Variants in ADK observed in about 807,000 individuals in gnomAD.
ADK encodes adenosine kinase.
ADK carries 24 observed loss-of-function variants against 44.7 expected under a neutral mutation model. That is an observed-to-expected ratio of 0.54 (90% CI 0.39 to 0.76). ADK has a LOEUF of 0.76. Ranked by LOEUF, ADK falls within the 30% of genes least tolerant of loss-of-function variation. ADK has a pLI of 0.00. For synonymous variants in ADK, 128 were observed against 142.6 expected (o/e 0.90, Z 0.73); for missense variants, 321 against 425.1 (o/e 0.76, Z 2.15).
intron 6 of ADK, among the ~76,000 whole-genome samples, chr10:74,410,567 G>C (rs1479255515): frequency 1.3e-5 from 2 of 152,048 alleles, no homozygotes; most frequent in African/African-American, 2.4e-5. Context: ...CTTAGTCCCA[G>C]CTGCTGGGGA....
At chr10:74,372,306 C>G (rs1842685060) in intron 4 of ADK, 3 of 757,716 alleles carry the variant, frequency 4.0e-6, no homozygotes, top group East Asian at 2.4e-5. Context: ...TGCGCCTATT[C>G]ATCAGTTCCC....
At chr10:74,451,227 G>A (rs1360160433) in intron 6 of ADK, among the ~76,000 whole-genome samples, 2 of 151,778 alleles carry the variant, frequency 1.3e-5, no homozygotes, top group African/African-American at 2.4e-5. Context: ...TTGCTGTGAG[G>A]AGAGGGAGAG....
intron 4 of ADK, among the ~76,000 whole-genome samples, chr10:74,356,055 A>G (rs1486811094): frequency 8.8e-6 from 1 of 113,782 alleles, no homozygotes; most frequent in Non-Finnish European, 1.6e-5. Context: ...TCTGTCGCCC[A>G]GGCCGGACTG....
chr10:74,612,904 TTTTGTTG>T lies in ADK; in HGVS notation c.877+12412_877+12418del, dbSNP rs1191559278. 2.0e-5 allele frequency among the ~76,000 whole-genome samples: 3 copies of T among 152,264 alleles called. No individual in the cohort carries two copies. The East Asian group carries it at 5.8e-4, about 29-fold the overall frequency. On this transcript the variant is annotated intron_variant, in intron 9 of 10. Coordinates refer to ENST00000539909, the MANE Select transcript of ADK (RefSeq NM_006721.4). The stretch of plus-strand genomic sequence containing the variant: ...TGAGTGTCCTTTCATCACTATTTAT[TTTTGTTG>T]ACTTTGTTTAAGATCAGTTGGTTGT...
intron 2 of ADK, 34 bp from the exon 3 acceptor site, chr10:74,224,504 T>C: frequency 3.8e-6 from 6 of 1,574,518 alleles, no homozygotes; most frequent in Non-Finnish European, 5.2e-6. Flanking sequence ...ACTGTGTGTG[T>C]ATGAAGAGTG....
chr10:74,616,275 T>G (rs1427652923), intron 9 of ADK, among the ~76,000 whole-genome samples: 7 of 152,226 alleles, frequency 4.6e-5, no homozygotes, highest in Non-Finnish European at 5.9e-5. Flanking sequence ...TTATATTCCA[T>G]TAAAGAAAAT....
chr10:74,416,208 G>A (rs1331808093), intron 6 of ADK, among the ~76,000 whole-genome samples: 1 of 151,744 alleles, frequency 6.6e-6, no homozygotes, highest in Non-Finnish European at 1.5e-5. Context: ...AGAGGACAAC[G>A]TTTTTCCTTT....
intron 8 of ADK, among the ~76,000 whole-genome samples, chr10:74,590,612 G>A (rs1589277137): frequency 6.6e-6 from 1 of 152,198 alleles, no homozygotes; most frequent in East Asian, 1.9e-4. Flanking sequence ...TAGGAGCTGT[G>A]ATAGTTTCTT....
intron 4 of ADK, among the ~76,000 whole-genome samples, chr10:74,392,007 A>G (rs1314771188): frequency 6.6e-6 from 1 of 152,036 alleles, no homozygotes; most frequent in African/African-American, 2.4e-5. Flanking sequence ...ATGTTCATCT[A>G]TGTTGTAGCA....
intron 1 of ADK, among the ~76,000 whole-genome samples, chr10:74,171,164 G>A (rs1842151207): frequency 6.6e-6 from 1 of 151,872 alleles, no homozygotes; most frequent in South Asian, 2.1e-4. Context: ...CCCTATTTCT[G>A]GTTATTTGGG....
chr10:74,539,696 G>A (rs1398352973), intron 7 of ADK, among the ~76,000 whole-genome samples: 5 of 148,292 alleles, frequency 3.4e-5, no homozygotes, highest in African/African-American at 1.2e-4. Flanking sequence ...AACCCCTTCA[G>A]AAAAAAAAAC....
chr10:74,482,515 G>A (rs1032489189), intron 6 of ADK, among the ~76,000 whole-genome samples: 2 of 152,094 alleles, frequency 1.3e-5, no homozygotes, highest in African/African-American at 4.8e-5. Flanking sequence ...CTTTCCTACA[G>A]TGCAAAATAG....
intron 6 of ADK, among the ~76,000 whole-genome samples, chr10:74,467,194 A>C (rs1368916790): frequency 6.6e-6 from 1 of 152,176 alleles, no homozygotes; most frequent in African/African-American, 2.4e-5. Flanking sequence ...AAGATCGTGC[A>C]TGTAATAGCA....
chr10:74,570,277 G>A lies in ADK; in HGVS notation c.727-19005G>A, dbSNP rs886910876. 4.3e-4 allele frequency among the ~76,000 whole-genome samples: 66 copies of A among 152,184 alleles called. No homozygotes were observed. The Middle Eastern group carries it at 0.01, about 24-fold the overall frequency. On this transcript the variant is annotated intron_variant, in intron 7 of 10. Coordinates refer to ENST00000539909, the MANE Select transcript of ADK (RefSeq NM_006721.4). ...TGCGGGCTCTTTTTTGATTCCATATGAACTTTAAAGTAGTTTTTTCCAATT... is the reference window on the plus strand; with the variant it reads ...TGCGGGCTCTTTTTTGATTCCATATAAACTTTAAAGTAGTTTTTTCCAATT...
At chr10:74,217,961 G>A (rs1844128834) in intron 2 of ADK, among the ~76,000 whole-genome samples, 1 of 152,182 alleles carries the variant, frequency 6.6e-6, no homozygotes, top group African/African-American at 2.4e-5. Context: ...AAAAAGCAGA[G>A]CACCTCTCCT....
intron 4 of ADK, among the ~76,000 whole-genome samples, chr10:74,363,856 T>A (rs904618396): frequency 6.6e-6 from 1 of 152,098 alleles, no homozygotes; most frequent in Non-Finnish European, 1.5e-5. Context: ...CGTGCCTGTC[T>A]CATTAGCTCA....
At chr10:74,528,122 C>A in intron 7 of ADK, 1 of 1,069,208 alleles carries the variant, frequency 9.4e-7, no homozygotes, top group Non-Finnish European at 1.4e-6. Flanking sequence ...TCAGAAGTGT[C>A]ATGATCGAAC....
chr10:74,176,421 G>A, intron 1 of ADK: 1 of 1,024,006 alleles, frequency 9.8e-7, no homozygotes, highest in Non-Finnish European at 1.2e-6. Context: ...CCTAAGTGCT[G>A]TTACAGGGAG....
intron 7 of ADK, among the ~76,000 whole-genome samples, chr10:74,573,512 G>A (rs893548094): frequency 2.0e-5 from 3 of 152,182 alleles, no homozygotes; most frequent in Admixed American, 6.5e-5. Flanking sequence ...CTGCGTGCTG[G>A]GAGAACCACT....
Sources: gnomAD v4.1 joint callset for allele counts (sites outside exome capture counted in the v4.1 genomes callset) on GRCh38, gnomAD v4.1.1 for gene constraint, MANE v1.5 for transcripts, NCBI Gene and HGNC (gene_info 2026-07-23, HGNC 2026-07-21) for gene names.